The following RIC8B variants were observed in gnomAD, a reference collection of about 807,000 sequenced individuals.
RIC8B encodes the protein RIC8 guanine nucleotide exchange factor B.
In RIC8B, 16 loss-of-function variants were observed where a neutral mutation model predicts 57.5. The observed-to-expected ratio is 0.28, with a 90% CI of 0.19 to 0.42. RIC8B has a LOEUF of 0.42. Ranked by LOEUF, RIC8B falls within the 10% of genes least tolerant of loss-of-function variation. The pLI is 1.00. For missense variants in RIC8B, 481 were observed against 677.0 expected (o/e 0.71, Z 3.21); for synonymous variants, 216 against 250.8 (o/e 0.86, Z 1.31).
intron 3 of RIC8B, among the ~76,000 whole-genome samples, chr12:106,821,281 C>T (rs1045689336): frequency 1.4e-4 from 21 of 152,134 alleles, no homozygotes; most frequent in African/African-American, 5.1e-4. Flanking sequence ...TGATAGCACT[C>T]ATCTAACGGA....
intron 7 of RIC8B, 68 bp from the exon 8 acceptor site, chr12:106,860,200 G>A: frequency 7.7e-7 from 1 of 1,301,926 alleles, no homozygotes; most frequent in South Asian, 1.8e-5. Context: ...TTCTTGTGTT[G>A]GTGAGTGGTT....
At chr12:106,812,444 TG>T (rs755710662) in intron 2 of RIC8B, among the ~76,000 whole-genome samples, 25 of 143,330 alleles carry the variant, frequency 1.7e-4, no homozygotes, top group South Asian at 1.4e-3. Flanking sequence ...GCCTATAGTT[TG>T]TTTTTTTTTT....
intron 7 of RIC8B, among the ~76,000 whole-genome samples, chr12:106,858,992 A>G (rs1949821819): frequency 6.6e-6 from 1 of 151,952 alleles, no homozygotes; most frequent in African/African-American, 2.4e-5. Context: ...TCAGTTCCCC[A>G]GTCATTTTAA....
At chr12:106,852,645 C>A (rs1949522761) in intron 7 of RIC8B, among the ~76,000 whole-genome samples, 1 of 152,176 alleles carries the variant, frequency 6.6e-6, no homozygotes, top group Non-Finnish European at 1.5e-5. Context: ...AATGAAGCAA[C>A]CTGCCACCTG....
intron 9 of RIC8B, chr12:106,871,655 A>G (rs1950437512): frequency 6.6e-6 from 1 of 151,978 alleles, no homozygotes; most frequent in African/African-American, 2.4e-5. Flanking sequence ...GAGTCACTCT[A>G]TTTTCTAGTC....
chr12:106,863,922 G>T (rs1179945220), intron 8 of RIC8B, among the ~76,000 whole-genome samples: 1 of 151,972 alleles, frequency 6.6e-6, no homozygotes, highest in Non-Finnish European at 1.5e-5. Context: ...GGTCTTTTTT[G>T]TTTTATTGCC....
intron 7 of RIC8B, among the ~76,000 whole-genome samples, chr12:106,857,997 G>A (rs1949776096): frequency 6.6e-6 from 1 of 152,134 alleles, no homozygotes; most frequent in African/African-American, 2.4e-5. Context: ...TAGCACATAA[G>A]GTTTGTTCCA....
intron 2 of RIC8B, among the ~76,000 whole-genome samples, chr12:106,791,238 A>G (rs1384423333): frequency 6.6e-6 from 1 of 152,194 alleles, no homozygotes; most frequent in Non-Finnish European, 1.5e-5. Flanking sequence ...AAATGGTGAC[A>G]AGGAGATAAA....
intron 4 of RIC8B, among the ~76,000 whole-genome samples, chr12:106,833,168 A>G (rs1019878563): frequency 2.6e-5 from 4 of 152,204 alleles, no homozygotes; most frequent in East Asian, 3.8e-4. Flanking sequence ...ACCCTCAAGT[A>G]TATTTATTTA....
chr12:106,802,800 T>C (rs772274491), intron 2 of RIC8B, among the ~76,000 whole-genome samples: 44 of 152,128 alleles, frequency 2.9e-4, no homozygotes, highest in Non-Finnish European at 1.6e-4. Context: ...AAGCAAATCA[T>C]TTAGCCTATC....
At chr12:106,820,407 A>T (rs935824777) in intron 3 of RIC8B, among the ~76,000 whole-genome samples, 2 of 152,228 alleles carry the variant, frequency 1.3e-5, no homozygotes, top group African/African-American at 2.4e-5. Context: ...AGTGTGTTTT[A>T]AAAAGCCAAT....
chr12:106,819,348 A>G (rs2045732411), intron 3 of RIC8B, among the ~76,000 whole-genome samples: 1 of 152,172 alleles, frequency 6.6e-6, no homozygotes, highest in Non-Finnish European at 1.5e-5. Context: ...ATTAAGATTT[A>G]ACTTGGGGGA....
intron 4 of RIC8B, among the ~76,000 whole-genome samples, chr12:106,832,648 AGG>A (rs1239938439): frequency 2.0e-5 from 3 of 152,166 alleles, no homozygotes; most frequent in African/African-American, 7.2e-5. Flanking sequence ...CACCTAGAAC[AGG>A]TATACTTAGT....
intron 4 of RIC8B, 87 bp from the exon 5 acceptor site, chr12:106,842,502 A>G: frequency 9.4e-7 from 1 of 1,064,894 alleles, no homozygotes; most frequent in Non-Finnish European, 1.4e-6. Flanking sequence ...GACTCTTAAA[A>G]GTCACTTTTG....
intron 9 of RIC8B, chr12:106,873,152 A>G (rs1950519933): frequency 1.0e-6 from 1 of 985,338 alleles, no homozygotes; most frequent in African/African-American, 1.7e-5. Flanking sequence ...ATCCGGAAGT[A>G]CCCAGCAGAT....
chr12:106,855,747 A>G (rs1949692834), intron 7 of RIC8B, among the ~76,000 whole-genome samples: 2 of 151,890 alleles, frequency 1.3e-5, no homozygotes, highest in Admixed American at 1.3e-4. Flanking sequence ...CCCAATCCTC[A>G]CTTCACATTG....
chr12:106,833,216 C>G lies in RIC8B; in HGVS notation c.836+7396C>G, dbSNP rs146378146. ...ATATATATGCTGCTAAACTGACATA[C>G]GAAATAATGAAATTATATACAAATA... On this transcript the variant is annotated intron_variant, in intron 4 of 9. Transcript: ENST00000392837. 5.3e-3 allele frequency among the ~76,000 whole-genome samples: 805 copies of G among 151,942 alleles called. 8 individuals carry two copies. Among genetic ancestry groups the G allele is most frequent in the African/African-American group, 0.018 (764 of 41,424 alleles).
At chr12:106,860,536 GT>G (rs1378660131) in intron 8 of RIC8B, 124 bp downstream of exon 8, 2 of 736,118 alleles carry the variant, frequency 2.7e-6, no homozygotes, top group East Asian at 3.2e-5. Context: ...ATTTAATGGT[GT>G]TTTTAGAGGC....
chr12:106,824,616 C>T (rs2046009046), intron 3 of RIC8B, among the ~76,000 whole-genome samples: 1 of 151,992 alleles, frequency 6.6e-6, no homozygotes, highest in Admixed American at 6.6e-5. Flanking sequence ...GAAGTTTTGG[C>T]TGGGTGCAGT....
Sources: allele counts gnomAD v4.1 joint callset (sites outside exome capture counted in the v4.1 genomes callset), GRCh38; gene constraint gnomAD v4.1.1; transcripts MANE v1.5; gene names NCBI Gene and HGNC (gene_info 2026-07-23, HGNC 2026-07-21).